Variants in SGCZ observed in about 807,000 individuals in gnomAD.
SGCZ encodes the protein zeta-sarcoglycan.
A neutral mutation model predicts 41.3 loss-of-function variants in SGCZ; 40 were observed. That is an observed-to-expected ratio of 0.97 (90% confidence interval 0.75 to 1.26). The LOEUF is 1.26. SGCZ is among the 50% of genes most tolerant of loss of function. SGCZ has a pLI of 0.00. For synonymous variants in SGCZ, 206 were observed against 137.5 expected (o/e 1.50, Z -3.49); for missense variants, 552 against 369.8 (o/e 1.49, Z -4.04).
At chr8:14,236,621 A>T (rs1806772444) in intron 4 of SGCZ, among the ~76,000 whole-genome samples, 1 of 151,456 alleles carries the variant, frequency 6.6e-6, no homozygotes, top group Non-Finnish European at 1.5e-5. Flanking sequence ...TCAAAATTGT[A>T]ATTTACTTTT....
chr8:15,115,802 C>G (rs1265265998), intron 1 of SGCZ, among the ~76,000 whole-genome samples: 1 of 152,150 alleles, frequency 6.6e-6, no homozygotes, highest in Non-Finnish European at 1.5e-5. Context: ...AAGGTTTATT[C>G]AACAATAAAC....
chr8:15,052,429 G>C (rs181865412), intron 1 of SGCZ, among the ~76,000 whole-genome samples: 46 of 152,272 alleles, frequency 3.0e-4, no homozygotes, highest in Middle Eastern at 6.8e-3. Flanking sequence ...GCAAAGGTTA[G>C]GACAGATAAC....
chr8:14,886,236 G>A (rs1480697), intron 1 of SGCZ, among the ~76,000 whole-genome samples: 5,633 of 151,396 alleles, frequency 0.037, 337 homozygotes, highest in African/African-American at 0.13. Flanking sequence ...TTTATTGAGG[G>A]CCTTCTATGT....
At chr8:14,448,885 A>G (rs906636457) in intron 2 of SGCZ, among the ~76,000 whole-genome samples, 2 of 152,194 alleles carry the variant, frequency 1.3e-5, no homozygotes, top group African/African-American at 4.8e-5. Context: ...CTTGTTGATG[A>G]GAATATCTCT....
At chr8:15,119,894 C>T (rs1246238683) in intron 1 of SGCZ, among the ~76,000 whole-genome samples, 1 of 152,178 alleles carries the variant, frequency 6.6e-6, no homozygotes, top group Non-Finnish European at 1.5e-5. Flanking sequence ...ATTGTGGCCT[C>T]GAACTCCTGA....
chr8:14,901,132 T>C (rs1193537232), intron 1 of SGCZ, among the ~76,000 whole-genome samples: 2 of 152,228 alleles, frequency 1.3e-5, no homozygotes, highest in Non-Finnish European at 2.9e-5. Context: ...TAAATATCAA[T>C]CTAATTATAC....
chr8:14,614,671 A>C (rs1366096433), intron 1 of SGCZ, among the ~76,000 whole-genome samples: 1 of 152,138 alleles, frequency 6.6e-6, no homozygotes, highest in Non-Finnish European at 1.5e-5. Context: ...GGAGTTAGAA[A>C]ATTTTTTAAA....
chr8:14,803,278 G>C (rs1002019491), intron 1 of SGCZ, among the ~76,000 whole-genome samples: 4 of 152,134 alleles, frequency 2.6e-5, no homozygotes, highest in African/African-American at 9.6e-5. Flanking sequence ...CGTGAGCGAC[G>C]CAGAAGACGG....
intron 3 of SGCZ, among the ~76,000 whole-genome samples, chr8:14,273,631 C>T (rs760757917): frequency 2.6e-5 from 4 of 151,964 alleles, no homozygotes; most frequent in Non-Finnish European, 2.9e-5. Flanking sequence ...TGTTTTAAAC[C>T]TTTAACAAGA....
At chr8:14,193,398 T>C (rs1805167491) in intron 4 of SGCZ, among the ~76,000 whole-genome samples, 1 of 151,906 alleles carries the variant, frequency 6.6e-6, no homozygotes, top group Non-Finnish European at 1.5e-5. Context: ...AGAGAATATA[T>C]AATAATGCTA....
chr8:14,668,228 G>A (rs904738432), intron 1 of SGCZ, among the ~76,000 whole-genome samples: 1 of 152,250 alleles, frequency 6.6e-6, no homozygotes, highest in African/African-American at 2.4e-5. Context: ...CCAAAGTGCT[G>A]GGATTACAGG....
intron 1 of SGCZ, among the ~76,000 whole-genome samples, chr8:15,012,645 T>TATGTATA (rs1563436205): frequency 8.3e-6 from 1 of 120,874 alleles, no homozygotes; most frequent in Non-Finnish European, 1.7e-5. Flanking sequence ...CATATAAAAC[T>TATGTATA]ATATATAATA....
intron 1 of SGCZ, among the ~76,000 whole-genome samples, chr8:14,945,517 C>A (rs1168912037): frequency 1.3e-5 from 2 of 152,040 alleles, no homozygotes; most frequent in Non-Finnish European, 2.9e-5. Context: ...TGGATCAAGA[C>A]TACTATGGTG....
At chr8:14,478,660 CT>C (rs1448886938) in intron 2 of SGCZ, among the ~76,000 whole-genome samples, 6 of 140,500 alleles carry the variant, frequency 4.3e-5, no homozygotes, top group African/African-American at 1.7e-4. Context: ...AATAGAGTAA[CT>C]AAGAGGGAAT....
At chr8:15,121,985 G>A (rs933915923) in intron 1 of SGCZ, among the ~76,000 whole-genome samples, 1 of 150,850 alleles carries the variant, frequency 6.6e-6, no homozygotes, top group Admixed American at 6.6e-5. Context: ...ATATTGATGT[G>A]TAGGGATACA....
Position 14,244,919 on chromosome 8 carries a change from C to T in SGCZ, c.337-7240G>A, listed in dbSNP as rs540390251. On this transcript the variant is annotated intron_variant, in intron 3 of 7. Coordinates refer to ENST00000382080, the MANE Select transcript of SGCZ (RefSeq NM_139167.4). ...TGTCTGTTATTGGTGTATAAGAATG[C>T]TTGTGATTTTTGTACATTGATTTTG... Among the ~76,000 whole-genome samples, 10 of 152,004 alleles carry T rather than the reference C, an allele frequency of 6.6e-5. No homozygotes were observed. In the South Asian group the frequency reaches 1.9e-3, roughly 28 times the overall value.
chr8:15,008,294 T>C (rs1323194342), intron 1 of SGCZ, among the ~76,000 whole-genome samples: 1 of 152,000 alleles, frequency 6.6e-6, no homozygotes, highest in Non-Finnish European at 1.5e-5. Context: ...ATGAGTCCAT[T>C]AAGTTTCTGT....
Position 14,596,984 on chromosome 8 carries a change from A to T in SGCZ, c.40-42058T>A, listed in dbSNP as rs900465279. ...AACCTTTGGGGAACCCTGAAATCTA[A>T]GTAATGGTATAAGACTAGAAAATTG... On this transcript the variant is annotated intron_variant, in intron 1 of 7. Coordinates refer to ENST00000382080, the MANE Select transcript of SGCZ (RefSeq NM_139167.4). 2.0e-5 allele frequency among the ~76,000 whole-genome samples: 3 copies of T among 152,204 alleles called. No individual in the cohort carries two copies. In the South Asian group the frequency reaches 6.2e-4, roughly 32 times the overall value.
At chr8:15,073,023 C>A (rs1332706987) in intron 1 of SGCZ, among the ~76,000 whole-genome samples, 1 of 152,104 alleles carries the variant, frequency 6.6e-6, no homozygotes, top group Non-Finnish European at 1.5e-5. Context: ...AACTGCTGAA[C>A]AGAAGACTTG....
Sources: allele counts gnomAD v4.1 joint callset (sites outside exome capture counted in the v4.1 genomes callset), GRCh38; gene constraint gnomAD v4.1.1; transcripts MANE v1.5; gene names NCBI Gene and HGNC (gene_info 2026-07-23, HGNC 2026-07-21).